TRABD2B: variants seen among roughly 807,000 people sequenced by gnomAD.
TRABD2B encodes the protein TraB domain containing 2B, also known as metalloprotease TIKI2.
Under a neutral mutation model 40.1 loss-of-function variants are expected in TRABD2B, and 14 were observed. The observed-to-expected ratio is 0.35, with a 90% CI of 0.23 to 0.55. The LOEUF is 0.55. Ranked by LOEUF, TRABD2B falls within the 20% of genes least tolerant of loss-of-function variation. The pLI is 0.90. For synonymous variants in TRABD2B, 263 were observed against 277.0 expected (o/e 0.95, Z 0.50); for missense variants, 541 against 648.6 (o/e 0.83, Z 1.80).
At chr1:47,907,236 A>G (rs535158188) in intron 2 of TRABD2B, among the ~76,000 whole-genome samples, 2 of 152,276 alleles carry the variant, frequency 1.3e-5, no homozygotes, top group African/African-American at 4.8e-5. Context: ...ATGACCAGGG[A>G]TTTGTTCATT....
At chr1:47,783,584 C>T (rs1252492500) in intron 4 of TRABD2B, among the ~76,000 whole-genome samples, 2 of 152,230 alleles carry the variant, frequency 1.3e-5, no homozygotes, top group African/African-American at 4.8e-5. Context: ...GGGATGGTGC[C>T]TGCCTACCTT....
intron 3 of TRABD2B, among the ~76,000 whole-genome samples, chr1:47,798,131 A>G (rs1268263487): frequency 1.3e-5 from 2 of 152,126 alleles, no homozygotes; most frequent in Admixed American, 1.3e-4. Context: ...TCACAGACTG[A>G]TGGGGGAGTC....
At chr1:47,877,480 T>C (rs894528501) in intron 2 of TRABD2B, among the ~76,000 whole-genome samples, 2 of 152,176 alleles carry the variant, frequency 1.3e-5, no homozygotes, top group African/African-American at 4.8e-5. Flanking sequence ...GAATAAATGA[T>C]GGTACCCGAT....
At chr1:47,786,875 T>G (rs1018965237) in intron 4 of TRABD2B, among the ~76,000 whole-genome samples, 3 of 152,088 alleles carry the variant, frequency 2.0e-5, no homozygotes, top group Non-Finnish European at 4.4e-5. Flanking sequence ...CTGGCAAATT[T>G]TTTTATTTTT....
intron 2 of TRABD2B, among the ~76,000 whole-genome samples, chr1:47,862,158 C>T (rs4927166): frequency 0.75 from 113,823 of 152,128 alleles, 42,961 homozygotes; most frequent in East Asian, 0.98. Flanking sequence ...CTAAGAAACT[C>T]GAAGCTTTCT....
At chr1:47,768,496 T>C (rs1186608834) in intron 6 of TRABD2B, among the ~76,000 whole-genome samples, 1 of 152,076 alleles carries the variant, frequency 6.6e-6, no homozygotes, top group African/African-American at 2.4e-5. Flanking sequence ...CTTGCTGCCA[T>C]TTTCCTACTC....
chr1:47,772,324 CAG>C (rs1274198022), intron 6 of TRABD2B, among the ~76,000 whole-genome samples: 1 of 151,848 alleles, frequency 6.6e-6, no homozygotes, highest in African/African-American at 2.4e-5. Flanking sequence ...CCACTCCAAG[CAG>C]AGAGAGGAGC....
At chr1:47,776,339 T>C (rs188873280) in intron 5 of TRABD2B, among the ~76,000 whole-genome samples, 2 of 152,142 alleles carry the variant, frequency 1.3e-5, no homozygotes, top group East Asian at 1.9e-4. Context: ...GCAAGTTACT[T>C]AATCATATCA....
intron 2 of TRABD2B, among the ~76,000 whole-genome samples, chr1:47,950,024 G>A (rs959724344): frequency 1.3e-5 from 2 of 151,970 alleles, no homozygotes; most frequent in Non-Finnish European, 2.9e-5. Flanking sequence ...AGTGGCTCAC[G>A]CCTGTAATCC....
rs531721446 is a variant in TRABD2B, at chr1:47,812,900, C to T, written c.667-11281G>A. On this transcript the variant is annotated intron_variant, in intron 2 of 6. Coordinates refer to ENST00000606738, the MANE Select transcript of TRABD2B (RefSeq NM_001194986.2). Reference sequence around the variant, plus strand: ...AAGCAGCATACATGACCCTCTCTACCTGATCTTCAGACAGTAGACAAGTCA... The same window carrying T: ...AAGCAGCATACATGACCCTCTCTACTTGATCTTCAGACAGTAGACAAGTCA... Among the ~76,000 whole-genome samples, 6 of 152,238 alleles carry T rather than the reference C, an allele frequency of 3.9e-5. No homozygotes were observed. The South Asian group carries it at 1.2e-3, about 32-fold the overall frequency.
At chr1:47,807,754 T>C (rs1457338019) in intron 2 of TRABD2B, among the ~76,000 whole-genome samples, 1 of 152,220 alleles carries the variant, frequency 6.6e-6, no homozygotes, top group Non-Finnish European at 1.5e-5. Flanking sequence ...TTACATCATA[T>C]ATTTAAGGTA....
rs1194038151 is a variant in TRABD2B, at chr1:47,763,373, A to C, written c.*2529T>G. The C allele has an allele frequency of 1.3e-5, 2 of 152,102 alleles. No homozygotes were observed. Among genetic ancestry groups the C allele is most frequent in the Non-Finnish European group, 2.9e-5 (2 of 68,026 alleles). The allele number at this position is 152,102 out of a possible 1,614,324, so 9.4% of individuals were successfully genotyped here. ...CGGTTAGTCTAGCCATCTTTCTTTA[A>C]ACACTTGAATTAGGGTAAGGGAGAG... is the stretch of plus-strand genomic sequence containing the variant. On this transcript the variant is annotated 3_prime_UTR_variant, in exon 7 of 7. Coordinates refer to ENST00000606738, the MANE Select transcript of TRABD2B (RefSeq NM_001194986.2).
intron 2 of TRABD2B, among the ~76,000 whole-genome samples, chr1:47,940,818 G>A (rs1294820741): frequency 6.6e-6 from 1 of 152,242 alleles, no homozygotes; most frequent in Non-Finnish European, 1.5e-5. Flanking sequence ...AGCAGTGTGG[G>A]GGAATCTCGA....
In TRABD2B at chr1:47,877,983, G is replaced by A. The variant is rs148071326; in HGVS notation, c.667-76364C>T. 8.6e-3 allele frequency among the ~76,000 whole-genome samples: 1,298 copies of A among 150,660 alleles called. 25 individuals are homozygous for A. Among genetic ancestry groups the A allele is most frequent in the African/African-American group, 0.03 (1,214 of 40,894 alleles). On this transcript the variant is annotated intron_variant, in intron 2 of 6. Transcript: ENST00000606738. ...CAGCACTCTGCACTCCAGCCTGGGC[G>A]ACAGAGCAAGTCTCCATCTCAGAAA...
At chr1:47,844,103 G>A (rs1645435386) in intron 2 of TRABD2B, among the ~76,000 whole-genome samples, 1 of 152,194 alleles carries the variant, frequency 6.6e-6, no homozygotes, top group South Asian at 2.1e-4. Flanking sequence ...CTTAGAGTTT[G>A]GGTGCAGCAA....
At position 47,762,730 on chromosome 1, in the gene TRABD2B, C is replaced by G. The variant is rs1230458833; in HGVS notation, c.*3172G>C. On this transcript the variant is annotated 3_prime_UTR_variant, in exon 7 of 7. Transcript: ENST00000606738. Reference sequence around the variant, plus strand: ...ATCCTCAGCAGCCCTTTGCAGCTCCCTGGCAGCCTGATTCTTCTCCCTCCA... The same window carrying G: ...ATCCTCAGCAGCCCTTTGCAGCTCCGTGGCAGCCTGATTCTTCTCCCTCCA... The G allele has an allele frequency of 6.6e-6, 1 of 152,224 alleles. No individual in the cohort carries two copies. Among genetic ancestry groups the G allele is most frequent in the Non-Finnish European group, 1.5e-5 (1 of 68,042 alleles). 9.4% of individuals were successfully genotyped at this position (152,224 alleles called of 1,614,324 possible). A position where few individuals can be genotyped will look rare whatever the true frequency, so the allele number is the denominator to read the frequency against.
At chr1:47,952,598 G>A (rs951523424) in intron 2 of TRABD2B, among the ~76,000 whole-genome samples, 3 of 152,032 alleles carry the variant, frequency 2.0e-5, no homozygotes, top group Admixed American at 6.5e-5. Context: ...CGAAGGCCTC[G>A]AGCACACCTC....
At chr1:47,789,026 C>A (rs1644634922) in intron 4 of TRABD2B, among the ~76,000 whole-genome samples, 2 of 152,138 alleles carry the variant, frequency 1.3e-5, no homozygotes, top group African/African-American at 4.8e-5. Flanking sequence ...TAAGACTGGA[C>A]CCCACCCCCA....
chr1:47,911,574 A>G (rs1343713816), intron 2 of TRABD2B, among the ~76,000 whole-genome samples: 2 of 152,202 alleles, frequency 1.3e-5, no homozygotes, highest in Admixed American at 6.5e-5. Context: ...CCTTGCGAAC[A>G]CCACCCTCAT....
Sources: gnomAD v4.1 joint callset for allele counts (sites outside exome capture counted in the v4.1 genomes callset) on GRCh38, gnomAD v4.1.1 for gene constraint, MANE v1.5 for transcripts, NCBI Gene and HGNC (gene_info 2026-07-23, HGNC 2026-07-21) for gene names.